PPP1R12A: variants seen among roughly 807,000 people sequenced by gnomAD.
PPP1R12A encodes protein phosphatase 1 regulatory subunit 12A.
Under a neutral mutation model 139.6 loss-of-function variants are expected in PPP1R12A, and 19 were observed. The observed-to-expected ratio is 0.14, with a 90% CI of 0.09 to 0.20. The LOEUF (loss-of-function observed/expected upper bound fraction) is 0.20. PPP1R12A is among the 10% of genes least tolerant of loss of function. PPP1R12A has a pLI of 1.00. For missense variants in PPP1R12A, 925 were observed against 1,211.5 expected, an observed-to-expected ratio of 0.76 and a Z score of 3.51; for synonymous variants, 427 against 420.6, an observed-to-expected ratio of 1.02 and a Z score of -0.19.
Position 79,822,102 on chromosome 12 carries a change from G to A in PPP1R12A, c.867+14C>T, listed in dbSNP as rs1329203241. 1.4e-6 allele frequency: 2 copies of A among 1,472,930 alleles called. No homozygotes were observed. The highest frequency in any genetic ancestry group is 1.9e-6 in the Non-Finnish European group (2 of 1,069,402). The allele number at this position is 1,472,930 out of a possible 1,614,324, so 91.2% of individuals were successfully genotyped here. On this transcript the variant is annotated intron_variant, in intron 6 of 24. Coordinates refer to ENST00000450142, the MANE Select transcript of PPP1R12A (RefSeq NM_002480.3). The stretch of plus-strand genomic sequence containing the variant: ...AGGTAAGTAATATAGGCAATTATTA[G>A]TCATCAAACATACCAGATTTTGTTT...
At chr12:79,833,786 A>C (rs912042916) in intron 3 of PPP1R12A, among the ~76,000 whole-genome samples, 7 of 151,492 alleles carry the variant, frequency 4.6e-5, no homozygotes, top group Non-Finnish European at 1.0e-4. Context: ...GCAGTAAGCC[A>C]AGATCACGCC....
At position 79,828,340 on chromosome 12, in the gene PPP1R12A, T is replaced by C; in HGVS notation, c.772A>G (p.Met258Val). 2.5e-6 allele frequency: 4 copies of C among 1,611,890 alleles called. No individual in the cohort carries two copies. Among genetic ancestry groups the C allele is most frequent in the Non-Finnish European group, 3.4e-6 (4 of 1,178,568 alleles). The change falls in exon 5 of 25, where the codon ATG becomes GTG. Residue 258 changes from methionine to valine, a missense_variant. By Grantham distance (21) the Met-to-Val change is conservative (BLOSUM62 1). Transcript: ENST00000450142. ...CRILVDNLCD[M>V]EMVNKVGQTA... is the part of the protein sequence containing the mutation. ...CCTACCACTTTGTTGACCATCTCCA[T>C]ATCACACAGATTGTCCACTAAAATT...
At chr12:79,778,626 T>G (rs1360365404) in intron 23 of PPP1R12A, 26 bp from the exon 24 acceptor site, 12 of 1,417,408 alleles carry the variant, frequency 8.5e-6, no homozygotes, top group Non-Finnish European at 1.1e-5. Flanking sequence ...GTACCAATGT[T>G]AGTTATATAA....
At chr12:79,926,916 G>T (rs145194484) in intron 1 of PPP1R12A, among the ~76,000 whole-genome samples, 2 of 152,222 alleles carry the variant, frequency 1.3e-5, no homozygotes, top group East Asian at 3.9e-4. Flanking sequence ...ACTAAAACAG[G>T]CTAAGTGCAG....
rs750957525 is a variant in PPP1R12A, at chr12:79,797,269, G to C, written c.2218C>G (p.Gln740Glu). The C allele has an allele frequency of 1.3e-6, 2 of 1,586,828 alleles. No homozygotes were observed. Among genetic ancestry groups the C allele is most frequent in the South Asian group, 2.3e-5 (2 of 87,694 alleles). Reference sequence around the variant, plus strand: ...GTTTCTGACTCCTTCTTTTCTTCTTGTTTCTCTTTATCTTGTTTCTCTTTT... The same window carrying C: ...GTTTCTGACTCCTTCTTTTCTTCTTCTTTCTCTTTATCTTGTTTCTCTTTT... ...EEKEKQDKEK[Q>E]EEKKESETSR... The change falls in exon 16 of 25, where the codon CAA (glutamine) becomes GAA (glutamate). Residue 740 changes from glutamine to glutamate, a missense_variant. Physicochemically the swap from Gln to Glu is conservative, Grantham distance 29. Transcript: ENST00000450142.
intron 2 of PPP1R12A, among the ~76,000 whole-genome samples, chr12:79,862,499 G>A (rs907494358): frequency 2.0e-5 from 3 of 152,122 alleles, no homozygotes; most frequent in Admixed American, 1.3e-4. Context: ...GCTTCAGAAG[G>A]TCGGTAATAA....
chr12:79,930,764 C>T (rs1007736957), intron 1 of PPP1R12A, among the ~76,000 whole-genome samples: 1 of 151,912 alleles, frequency 6.6e-6, no homozygotes, highest in African/African-American at 2.4e-5. Context: ...AAGAGCAAAA[C>T]TCCATCTCAA....
chr12:79,934,290 C>A (rs1888493675), intron 1 of PPP1R12A, among the ~76,000 whole-genome samples: 1 of 152,126 alleles, frequency 6.6e-6, no homozygotes, highest in African/African-American at 2.4e-5. Flanking sequence ...TCCGTAATGC[C>A]CCTTGTTAGT....
intron 3 of PPP1R12A, among the ~76,000 whole-genome samples, chr12:79,842,641 G>A (rs1170347462): frequency 3.3e-5 from 5 of 150,050 alleles, no homozygotes; most frequent in Admixed American, 6.6e-5. Flanking sequence ...TACTGCAGAA[G>A]TAATCACACA....
Position 79,807,284 on chromosome 12 carries a change from AT to A in PPP1R12A, c.1596del (p.Lys532AsnfsTer31). Reference sequence around the variant, plus strand: ...CTATTTTTTTTAAGATCATCTTCCCATTTTCTCCTTGTATATGAACTACTTG... The same window carrying A: ...CTATTTTTTTTAAGATCATCTTCCCATTTCTCCTTGTATATGAACTACTTG... ...LRTSSSYTRR[K>X]WEDDLKKNSS... is the part of the protein sequence containing the mutation. On this transcript the variant is annotated frameshift_variant, in exon 12 of 25. Transcript: ENST00000450142. LOFTEE classifies it high-confidence loss of function. The A allele has an allele frequency of 6.4e-7, 1 of 1,556,624 alleles. No homozygotes were observed.
intron 1 of PPP1R12A, among the ~76,000 whole-genome samples, chr12:79,889,285 A>G (rs1295230117): frequency 1.3e-5 from 2 of 152,198 alleles, no homozygotes; most frequent in Non-Finnish European, 2.9e-5. Context: ...AGTAGGAAAT[A>G]GAGCCCTAGT....
intron 2 of PPP1R12A, among the ~76,000 whole-genome samples, chr12:79,868,644 C>T (rs1349952542): frequency 1.3e-5 from 2 of 151,950 alleles, no homozygotes; most frequent in East Asian, 3.9e-4. Flanking sequence ...TCTTTTTTGT[C>T]CCAATGTCTT....
chr12:79,916,012 T>C (rs992913941), intron 1 of PPP1R12A, among the ~76,000 whole-genome samples: 1 of 151,942 alleles, frequency 6.6e-6, no homozygotes, highest in African/African-American at 2.4e-5. Flanking sequence ...GAAGTAAAGA[T>C]AGGTCAACAT....
intron 2 of PPP1R12A, among the ~76,000 whole-genome samples, chr12:79,869,214 T>C (rs1378278337): frequency 6.6e-6 from 1 of 152,226 alleles, no homozygotes; most frequent in Non-Finnish European, 1.5e-5. Context: ...TTCATCTACC[T>C]ATTCACTTGG....
intron 1 of PPP1R12A, among the ~76,000 whole-genome samples, chr12:79,880,160 G>C (rs902474344): frequency 5.3e-5 from 8 of 151,990 alleles, no homozygotes; most frequent in Non-Finnish European, 1.2e-4. Context: ...AATATAGTTG[G>C]ATAGTCCATA....
chr12:79,844,282 T>C (rs965811745), intron 3 of PPP1R12A, among the ~76,000 whole-genome samples: 1 of 152,194 alleles, frequency 6.6e-6, no homozygotes, highest in Non-Finnish European at 1.5e-5. Context: ...TTCAACAGTT[T>C]GGATATCTAA....
intron 20 of PPP1R12A, 138 bp from the exon 21 acceptor site, chr12:79,788,921 G>T: frequency 2.7e-6 from 2 of 734,840 alleles, no homozygotes; most frequent in Non-Finnish European, 2.0e-6. Context: ...TAATTTTTGT[G>T]ATATATAATA....
chr12:79,884,441 G>A (rs1056840281), intron 1 of PPP1R12A, among the ~76,000 whole-genome samples: 4 of 151,978 alleles, frequency 2.6e-5, no homozygotes, highest in South Asian at 2.1e-4. Flanking sequence ...AAGCATTGCC[G>A]CAAAATATAT....
At chr12:79,796,341 GAAAT>G (rs1276131502) in intron 17 of PPP1R12A, among the ~76,000 whole-genome samples, 1 of 151,984 alleles carries the variant, frequency 6.6e-6, no homozygotes, top group East Asian at 1.9e-4. Flanking sequence ...TATTTTTTAA[GAAAT>G]AAGCATAAAA....
Sources: allele counts gnomAD v4.1 joint callset (sites outside exome capture counted in the v4.1 genomes callset), GRCh38; gene constraint gnomAD v4.1.1; transcripts MANE v1.5; gene names NCBI Gene and HGNC (gene_info 2026-07-23, HGNC 2026-07-21).